HIVEP3: variants seen among roughly 807,000 people sequenced by gnomAD.
HIVEP3 encodes HIVEP zinc finger 3.
In HIVEP3, 49 loss-of-function variants were observed where a neutral mutation model predicts 152.8. The ratio of observed to expected loss-of-function variants is 0.32; its 90% CI spans 0.26 to 0.41. The LOEUF (loss-of-function observed/expected upper bound fraction) is 0.41. Ranked by LOEUF, HIVEP3 falls within the 10% of genes least tolerant of loss-of-function variation. The pLI, the probability that HIVEP3 is intolerant of heterozygous loss-of-function variation, is 1.00. For missense variants in HIVEP3, 2,790 were observed against 3,103.3 expected, an observed-to-expected ratio of 0.90 and a Z score of 2.40; for synonymous variants, 1,269 against 1,289.0, an observed-to-expected ratio of 0.98 and a Z score of 0.33.
chr1:41,545,074 A>T (rs62653702), intron 5 of HIVEP3, among the ~76,000 whole-genome samples: 2 of 73,434 alleles, frequency 2.7e-5, no homozygotes, highest in African/African-American at 1.1e-4. Context: ...ACCACCACCA[A>T]CATCACCACC....
chr1:41,749,911 G>A (rs1274617628), intron 1 of HIVEP3, among the ~76,000 whole-genome samples: 1 of 152,190 alleles, frequency 6.6e-6, no homozygotes, highest in Non-Finnish European at 1.5e-5. Context: ...TGCATGAAAT[G>A]TTACATGAGC....
At chr1:41,595,412 C>A (rs999924146) in intron 3 of HIVEP3, among the ~76,000 whole-genome samples, 1 of 152,328 alleles carries the variant, frequency 6.6e-6, no homozygotes, top group East Asian at 1.9e-4. Context: ...CCATCCTGCT[C>A]TTACACTTTG....
chr1:41,669,081 C>T (rs952865379), intron 2 of HIVEP3, among the ~76,000 whole-genome samples: 8 of 152,162 alleles, frequency 5.3e-5, no homozygotes, highest in African/African-American at 1.9e-4. Flanking sequence ...AAAACAAGCC[C>T]TCTGAGAGCT....
chr1:41,582,682 T>TG lies in HIVEP3; in HGVS notation c.2115dup (p.Thr706HisfsTer26), dbSNP rs1644433376. 1 of 1,614,022 alleles carries TG rather than the reference T, an allele frequency of 6.2e-7. No individual in the cohort carries two copies. Among genetic ancestry groups the TG allele is most frequent in the Admixed American group, 1.7e-5 (1 of 60,000 alleles). ...TTCCTCAGTGGAGTGAGTTCCAGGG[T>TG]GGTTCCCAGTTTGTAATGCATCATT... On this transcript the variant is annotated frameshift_variant, in exon 4 of 9. Transcript: ENST00000372583. LOFTEE classifies it high-confidence loss of function. This position sits in a 1 kb window ranked among gnomAD's most constrained non-coding sequence, Gnocchi z 4.7.
intron 1 of HIVEP3, among the ~76,000 whole-genome samples, chr1:42,028,329 C>G (rs1161648023): frequency 6.6e-6 from 1 of 152,122 alleles, no homozygotes; most frequent in African/African-American, 2.4e-5. Flanking sequence ...CAGTAAATAT[C>G]ACAGAATGTG....
intron 1 of HIVEP3, among the ~76,000 whole-genome samples, chr1:41,809,952 C>T (rs1650854283): frequency 6.6e-6 from 1 of 152,174 alleles, no homozygotes; most frequent in Non-Finnish European, 1.5e-5. Flanking sequence ...ATCCAAACGA[C>T]ATGTCCATCT....
In HIVEP3 at chr1:41,816,106, C is replaced by T. The variant is rs576221495; in HGVS notation, c.-801+102307G>A. Among the ~76,000 whole-genome samples, 14 of 152,272 alleles carry T rather than the reference C, an allele frequency of 9.2e-5. No individual in the cohort carries two copies. In the South Asian group the frequency reaches 2.5e-3, roughly 27 times the overall value. ...AAAGTGGCAGTACCAGCATTTGAAC[C>T]CAGTTCAGCCTGACTCCACAATCCC... On this transcript the variant is annotated intron_variant, in intron 1 of 8. Coordinates refer to ENST00000372583, the MANE Select transcript of HIVEP3 (RefSeq NM_024503.5).
Position 41,664,780 on chromosome 1 carries a change from AGACTGGGATGGCTTGGG to A in HIVEP3, c.-720-35850_-720-35834del, listed in dbSNP as rs1372306448. Among the ~76,000 whole-genome samples, 1 of 152,092 alleles carries A rather than the reference AGACTGGGATGGCTTGGG, an allele frequency of 6.6e-6. No individual in the cohort carries two copies. The highest frequency in any genetic ancestry group is 1.5e-5 in the Non-Finnish European group (1 of 68,018). ...AGCTAGACTGGCTTGAATGCTCAGG[AGACTGGGATGGCTTGGG>A]ATTTGTCTCCTCCTTTCTCTTGACA... On this transcript the variant is annotated intron_variant, in intron 2 of 8. Coordinates refer to ENST00000372583, the MANE Select transcript of HIVEP3 (RefSeq NM_024503.5). This position sits in a 1 kb window ranked among gnomAD's most constrained non-coding sequence, Gnocchi z 4.4.
chr1:41,676,393 G>C (rs1403273822), intron 2 of HIVEP3, among the ~76,000 whole-genome samples: 2 of 152,124 alleles, frequency 1.3e-5, no homozygotes, highest in Admixed American at 1.3e-4. Flanking sequence ...GTGAGGCTGG[G>C]GATGGCGGGG....
chr1:41,777,878 G>T (rs393950), intron 1 of HIVEP3, among the ~76,000 whole-genome samples: 66,316 of 152,116 alleles, frequency 0.44, 15,593 homozygotes, highest in Non-Finnish European at 0.54. Flanking sequence ...TTGGTAAAAG[G>T]TATCATGTGG....
chr1:41,824,543 C>A (rs1460253006), intron 1 of HIVEP3, among the ~76,000 whole-genome samples: 1 of 151,882 alleles, frequency 6.6e-6, no homozygotes, highest in Non-Finnish European at 1.5e-5. Flanking sequence ...CACTGACAAC[C>A]TCAACAACCC....
chr1:41,551,053 A>G (rs1643888598), intron 5 of HIVEP3, among the ~76,000 whole-genome samples: 1 of 152,190 alleles, frequency 6.6e-6, no homozygotes, highest in African/African-American at 2.4e-5. Context: ...ATGTTCCATC[A>G]ATACCTAGTT....
In HIVEP3 at chr1:41,665,667, C is replaced by T. The variant is rs988068161; in HGVS notation, c.-721+35249G>A. Among the ~76,000 whole-genome samples, 6 of 140,508 alleles carry T rather than the reference C, an allele frequency of 4.3e-5. No individual in the cohort carries two copies. The South Asian group carries it at 9.4e-4, about 22-fold the overall frequency. 92.2% of individuals were successfully genotyped at this position (140,508 alleles called of 152,430 possible). On this transcript the variant is annotated intron_variant, in intron 2 of 8. Transcript: ENST00000372583. ...CAAGAAAACTGTGATCCAGGTGTCC[C>T]GGGCTAGAATGCTGAATGCTTGTTT...
chr1:41,618,333 G>A (rs1409219473), intron 3 of HIVEP3, among the ~76,000 whole-genome samples: 6 of 152,230 alleles, frequency 3.9e-5, no homozygotes, highest in African/African-American at 1.4e-4. Context: ...GCCAAGCCTT[G>A]TTCCTTCCTG....
chr1:41,829,624 C>T (rs1346686251), intron 1 of HIVEP3, among the ~76,000 whole-genome samples: 1 of 151,578 alleles, frequency 6.6e-6, no homozygotes, highest in African/African-American at 2.4e-5. Context: ...TATAACAAAA[C>T]AGCAGATGTA....
chr1:41,514,473 C>G (rs1642544373), intron 7 of HIVEP3, among the ~76,000 whole-genome samples: 1 of 152,252 alleles, frequency 6.6e-6, no homozygotes, highest in Non-Finnish European at 1.5e-5. Flanking sequence ...CTCCCGGTGG[C>G]TGGCACAATG....
rs772696135 is a variant in HIVEP3 at position 41,762,720 on chromosome 1, C to T, written c.-800-61725G>A. On this transcript the variant is annotated intron_variant, in intron 1 of 8. Coordinates refer to ENST00000372583, the MANE Select transcript of HIVEP3 (RefSeq NM_024503.5). ...ACCCACTTCTGCCATGGGCTGAGTG[C>T]GCTGTCCTTGTGGCCATGGGATCTG... 5.9e-5 allele frequency among the ~76,000 whole-genome samples: 9 copies of T among 152,348 alleles called. No individual in the cohort carries two copies. In the South Asian group the frequency reaches 6.2e-4, roughly 11 times the overall value.
At chr1:41,566,044 G>A (rs911471171) in intron 5 of HIVEP3, among the ~76,000 whole-genome samples, 1 of 152,124 alleles carries the variant, frequency 6.6e-6, no homozygotes, top group Non-Finnish European at 1.5e-5. Flanking sequence ...TCCCTGGGAA[G>A]TCCTTTGAGT....
At chr1:41,671,852 G>A (rs1163141605) in intron 2 of HIVEP3, among the ~76,000 whole-genome samples, 1 of 152,192 alleles carries the variant, frequency 6.6e-6, no homozygotes, top group Non-Finnish European at 1.5e-5. Flanking sequence ...TTGAAGAGTG[G>A]GTAGGTATTT....
Sources: gnomAD v4.1 joint callset for allele counts (sites outside exome capture counted in the v4.1 genomes callset) on GRCh38, gnomAD v4.1.1 for gene constraint, Gnocchi (gnomAD v3.1) non-coding constraint, MANE v1.5 for transcripts, NCBI Gene and HGNC (gene_info 2026-07-23, HGNC 2026-07-21) for gene names.